OPHN1: variants seen among roughly 807,000 people sequenced by gnomAD.
OPHN1 encodes the protein oligophrenin 1.
Under a neutral mutation model 60.7 loss-of-function variants are expected in OPHN1, and 11 were observed. The observed-to-expected ratio is 0.18, with a 90% CI of 0.11 to 0.30. The LOEUF (loss-of-function observed/expected upper bound fraction) is 0.30, where lower values mean the gene tolerates loss of function less well. OPHN1 is among the 10% of genes least tolerant of loss of function. The probability of loss-of-function intolerance (pLI) is 1.00; values close to 1 mark genes in which losing one functional copy is unlikely to be tolerated. For synonymous variants in OPHN1, 226 were observed against 222.6 expected (o/e 1.02, Z -0.14); for missense variants, 449 against 611.0 (o/e 0.73, Z 2.80).
chrX:68,047,391 C>T (rs927679217), intron 24 of OPHN1, among the ~76,000 whole-genome samples: 2 of 111,619 alleles, frequency 1.8e-5, no homozygotes, highest in African/African-American at 6.5e-5. Context: ...GACCTCAACT[C>T]AAACTCCCCA....
Position 68,418,083 on chromosome X carries a change from G to C in OPHN1, c.154+14784C>G, listed in dbSNP as rs192351700. ...GCCAGAGGAGCAGAAGCTGATTAAA[G>C]GCATATGGGTAAGAAGGAGGCAAAA... On this transcript the variant is annotated intron_variant, in intron 2 of 24. Transcript: ENST00000355520. Among the ~76,000 whole-genome samples the C allele has an allele frequency of 2.6e-3, 293 of 112,390 alleles. 2 individuals are homozygous for C. Among genetic ancestry groups the C allele is most frequent in the African/African-American group, 9.1e-3 (281 of 31,008 alleles).
chrX:68,108,424 G>A (rs778618383), intron 18 of OPHN1, among the ~76,000 whole-genome samples: 1 of 111,537 alleles, frequency 9.0e-6, no homozygotes, highest in East Asian at 2.8e-4. Context: ...TCTTCTTGTT[G>A]CTTTCTCTTT....
chrX:68,214,905 G>A (rs927470212), intron 6 of OPHN1, among the ~76,000 whole-genome samples: 7 of 111,631 alleles, frequency 6.3e-5, no homozygotes, highest in South Asian at 3.8e-4. Context: ...GCTGAGGCAC[G>A]AGGCTCACTT....
chrX:68,161,013 C>A (rs1253966347), intron 15 of OPHN1, among the ~76,000 whole-genome samples: 2 of 108,347 alleles, frequency 1.8e-5, no homozygotes, highest in Non-Finnish European at 3.9e-5. Context: ...CTACAGTGAC[C>A]GGGAGAAAAA....
chrX:68,145,606 T>C (rs2077260539), intron 15 of OPHN1, among the ~76,000 whole-genome samples: 1 of 112,031 alleles, frequency 8.9e-6, no homozygotes, highest in Non-Finnish European at 1.9e-5. Flanking sequence ...ATCCTTTTTA[T>C]AAAGAAATTA....
intron 5 of OPHN1, among the ~76,000 whole-genome samples, chrX:68,265,478 C>G (rs185114768): frequency 9.8e-5 from 11 of 112,061 alleles, no homozygotes; most frequent in Non-Finnish European, 1.7e-4. Context: ...CTGACTGTTA[C>G]AAGGAAAACT....
intron 20 of OPHN1, chrX:68,071,210 A>G: frequency 7.4e-6 from 5 of 673,424 alleles, no homozygotes; most frequent in Non-Finnish European, 1.2e-5. Flanking sequence ...TTCTTCATCA[A>G]AAAACCACCA....
At chrX:68,150,014 A>G (rs2077278936) in intron 15 of OPHN1, among the ~76,000 whole-genome samples, 1 of 112,014 alleles carries the variant, frequency 8.9e-6, no homozygotes, top group Admixed American at 9.5e-5. Flanking sequence ...GACAAAACTC[A>G]TAAACATTAT....
intron 5 of OPHN1, among the ~76,000 whole-genome samples, chrX:68,249,869 G>A (rs1476102897): frequency 1.8e-5 from 2 of 111,831 alleles, no homozygotes; most frequent in African/African-American, 6.5e-5. Flanking sequence ...TCTTCACAAG[G>A]GCACTCCAGC....
At chrX:68,098,160 C>T (rs1429337006) in intron 18 of OPHN1, among the ~76,000 whole-genome samples, 5 of 110,880 alleles carry the variant, frequency 4.5e-5, no homozygotes, top group South Asian at 3.9e-4. Flanking sequence ...ATGCACATAA[C>T]GTTACATCTC....
At chrX:68,408,334 T>C (rs2078753855) in intron 2 of OPHN1, among the ~76,000 whole-genome samples, 1 of 112,063 alleles carries the variant, frequency 8.9e-6, no homozygotes, top group East Asian at 2.8e-4. Context: ...TTGTCACTTC[T>C]TTTTCATATC....
In OPHN1 at chrX:68,083,054, C is replaced by CTTTTTTTT. The variant is rs869083899; in HGVS notation, c.1687-9763_1687-9756dup. 4.6e-3 allele frequency among the ~76,000 whole-genome samples: 173 copies of CTTTTTTTT among 37,452 alleles called. 39 individuals carry two copies. The highest frequency in any genetic ancestry group is 6.4e-3 in the East Asian group (6 of 931). The allele number at this position is 37,452 out of a possible 115,157, so 32.5% of individuals were successfully genotyped here. A position where few individuals can be genotyped will look rare whatever the true frequency, so the allele number is the denominator to read the frequency against. ...ATCATGAACCAACCTCTGCTAGTTTCTTTTTTTTTTTTTTTTTTTTTTTTT... is the reference window on the plus strand; with the variant it reads ...ATCATGAACCAACCTCTGCTAGTTTCTTTTTTTTTTTTTTTTTTTTTTTTTTTTTTTTT... On this transcript the variant is annotated intron_variant, in intron 19 of 24. Transcript: ENST00000355520.
chrX:68,065,307 A>G (rs781349579), intron 20 of OPHN1, among the ~76,000 whole-genome samples: 5 of 110,905 alleles, frequency 4.5e-5, no homozygotes, highest in Non-Finnish European at 7.6e-5. Flanking sequence ...TTAAGGAATC[A>G]CTGTTTTGTT....
In OPHN1 at chrX:68,044,483, C is replaced by T. The variant is rs1288673409; in HGVS notation, c.*2689G>A. Reference sequence around the variant, plus strand: ...TTCTTTGTTATCCCTGCCAGTTCATCACTTTCAGTTCATCCATTGCCAGAT... The same window carrying T: ...TTCTTTGTTATCCCTGCCAGTTCATTACTTTCAGTTCATCCATTGCCAGAT... On this transcript the variant is annotated 3_prime_UTR_variant, in exon 25 of 25. Transcript: ENST00000355520. 1 of 112,728 alleles carries T rather than the reference C, an allele frequency of 8.9e-6. No individual in the cohort carries two copies. Among genetic ancestry groups the T allele is most frequent in the African/African-American group, 3.2e-5 (1 of 31,021 alleles). 9.3% of individuals were successfully genotyped at this position (112,728 alleles called of 1,213,427 possible).
chrX:68,395,675 G>A (rs1160276603), intron 2 of OPHN1, among the ~76,000 whole-genome samples: 1 of 110,052 alleles, frequency 9.1e-6, no homozygotes, highest in African/African-American at 3.3e-5. Context: ...TCGAACTCCC[G>A]ACTTCAGGTG....
At chrX:68,424,788 C>T (rs763956733) in intron 2 of OPHN1, among the ~76,000 whole-genome samples, 1 of 111,842 alleles carries the variant, frequency 8.9e-6, no homozygotes, top group East Asian at 2.8e-4. Flanking sequence ...AATGGACACA[C>T]TGAAAGGTTG....
intron 4 of OPHN1, among the ~76,000 whole-genome samples, chrX:68,276,363 A>G (rs1163378831): frequency 9.0e-6 from 1 of 111,639 alleles, no homozygotes; most frequent in Non-Finnish European, 1.9e-5. Flanking sequence ...AAGGCAGGAA[A>G]GTCTATAAAT....
intron 6 of OPHN1, among the ~76,000 whole-genome samples, chrX:68,214,628 A>G (rs1319801639): frequency 3.6e-5 from 4 of 112,124 alleles, no homozygotes; most frequent in Non-Finnish European, 7.5e-5. Context: ...AGGCATATTA[A>G]AAGGCAATAA....
At chrX:68,079,678 T>C (rs749738346) in intron 19 of OPHN1, among the ~76,000 whole-genome samples, 1 of 112,085 alleles carries the variant, frequency 8.9e-6, no homozygotes, top group South Asian at 3.8e-4. Context: ...GTTTCTCTAC[T>C]GGTTTCTATA....
Sources: gnomAD v4.1 joint callset for allele counts (sites outside exome capture counted in the v4.1 genomes callset) on GRCh38, gnomAD v4.1.1 for gene constraint, MANE v1.5 for transcripts, NCBI Gene and HGNC (gene_info 2026-07-23, HGNC 2026-07-21) for gene names.